Variants in PDZRN4 observed in about 807,000 individuals in gnomAD.
PDZRN4 encodes PDZ domain containing ring finger 4.
In PDZRN4, 70 loss-of-function variants were observed where a neutral mutation model predicts 99.0. The ratio of observed to expected loss-of-function variants is 0.71; its 90% CI spans 0.58 to 0.86. PDZRN4 has a LOEUF of 0.86. PDZRN4 is among the 40% of genes least tolerant of loss of function. The pLI, the probability that PDZRN4 is intolerant of heterozygous loss-of-function variation, is 0.00. For missense variants in PDZRN4, 1,474 were observed against 1,331.2 expected, an observed-to-expected ratio of 1.11 and a Z score of -1.67; for synonymous variants, 551 against 501.6, an observed-to-expected ratio of 1.10 and a Z score of -1.32.
At chr12:41,247,319 G>A (rs1951139505) in intron 3 of PDZRN4, among the ~76,000 whole-genome samples, 1 of 151,932 alleles carries the variant, frequency 6.6e-6, no homozygotes, top group Non-Finnish European at 1.5e-5. Context: ...CATTACCTGA[G>A]GAGCTGCTAG....
At chr12:41,571,006 G>T (rs190262379) in intron 9 of PDZRN4, among the ~76,000 whole-genome samples, 20 of 152,164 alleles carry the variant, frequency 1.3e-4, no homozygotes, top group Admixed American at 1.2e-3. Context: ...TATCTAGAGA[G>T]ACCTTTTTAG....
At chr12:41,216,628 C>A (rs1950922855) in intron 3 of PDZRN4, among the ~76,000 whole-genome samples, 2 of 151,932 alleles carry the variant, frequency 1.3e-5, no homozygotes, top group Admixed American at 6.6e-5. Context: ...AACTTACATC[C>A]TTTTTTGAAT....
intron 3 of PDZRN4, among the ~76,000 whole-genome samples, chr12:41,332,798 G>A (rs1337184965): frequency 6.8e-6 from 1 of 147,728 alleles, no homozygotes; most frequent in Non-Finnish European, 1.5e-5. Context: ...GAAGGAGGGG[G>A]CATAACAAAA....
intron 2 of PDZRN4, among the ~76,000 whole-genome samples, chr12:41,192,420 A>G (rs1950741189): frequency 6.6e-6 from 1 of 152,236 alleles, no homozygotes; most frequent in African/African-American, 2.4e-5. Flanking sequence ...AGAAAAACAA[A>G]AAACAACAGC....
chr12:41,251,928 C>A (rs1299331128), intron 3 of PDZRN4, among the ~76,000 whole-genome samples: 1 of 152,100 alleles, frequency 6.6e-6, no homozygotes, highest in Non-Finnish European at 1.5e-5. Flanking sequence ...CCAGCCTAAG[C>A]AACACACTGA....
chr12:41,310,181 C>T (rs530778285), intron 3 of PDZRN4, among the ~76,000 whole-genome samples: 1 of 152,248 alleles, frequency 6.6e-6, no homozygotes, highest in South Asian at 2.1e-4. Context: ...GATCCACCCG[C>T]CTTGGCCTCC....
chr12:41,230,317 G>T (rs546800089), intron 3 of PDZRN4, among the ~76,000 whole-genome samples: 58 of 152,058 alleles, frequency 3.8e-4, no homozygotes, highest in African/African-American at 1.2e-3. Context: ...CAAATTTTTA[G>T]CCCTGACTGC....
intron 3 of PDZRN4, among the ~76,000 whole-genome samples, chr12:41,404,048 G>C (rs1030973571): frequency 6.6e-6 from 1 of 152,052 alleles, no homozygotes; most frequent in Non-Finnish European, 1.5e-5. Context: ...TAAAACCAAT[G>C]CACATCCTCC....
chr12:41,511,772 C>A (rs1343765611), intron 5 of PDZRN4, among the ~76,000 whole-genome samples: 1 of 152,174 alleles, frequency 6.6e-6, no homozygotes, highest in Non-Finnish European at 1.5e-5. Flanking sequence ...GTGGCTGCAT[C>A]AAACTGCAAA....
chr12:41,378,709 G>A (rs1423018257), intron 3 of PDZRN4, among the ~76,000 whole-genome samples: 1 of 151,994 alleles, frequency 6.6e-6, no homozygotes, highest in African/African-American at 2.4e-5. Flanking sequence ...TTTTAGTAGA[G>A]ATGGGGTTTC....
At chr12:41,506,993 C>T (rs1040095177) in intron 4 of PDZRN4, among the ~76,000 whole-genome samples, 1 of 152,070 alleles carries the variant, frequency 6.6e-6, no homozygotes, top group African/African-American at 2.4e-5. Flanking sequence ...ATATTACTAG[C>T]TGTCAAAAGC....
At chr12:41,189,900 A>T (rs1950725139) in intron 1 of PDZRN4, among the ~76,000 whole-genome samples, 1 of 151,982 alleles carries the variant, frequency 6.6e-6, no homozygotes. Flanking sequence ...TCTTTGTCTA[A>T]GCTGCTGGCC....
At chr12:41,290,264 T>C (rs1951449592) in intron 3 of PDZRN4, among the ~76,000 whole-genome samples, 2 of 152,222 alleles carry the variant, frequency 1.3e-5, no homozygotes. Context: ...AAGCAAAATA[T>C]CAAATATGTT....
intron 3 of PDZRN4, among the ~76,000 whole-genome samples, chr12:41,386,484 A>G (rs952531385): frequency 2.0e-5 from 3 of 152,348 alleles, no homozygotes; most frequent in Admixed American, 2.0e-4. Context: ...TGACACAAAC[A>G]AATTGAAAAA....
chr12:41,296,161 C>T (rs1951492252), intron 3 of PDZRN4, among the ~76,000 whole-genome samples: 1 of 152,158 alleles, frequency 6.6e-6, no homozygotes, highest in Admixed American at 6.5e-5. Flanking sequence ...CCCAGATCAG[C>T]TGCAGACAAG....
At chr12:41,481,468 C>T (rs567890707) in intron 3 of PDZRN4, among the ~76,000 whole-genome samples, 2 of 152,280 alleles carry the variant, frequency 1.3e-5, no homozygotes, top group African/African-American at 4.8e-5. Flanking sequence ...CTGCCCCTTA[C>T]TCCCTCTCCC....
chr12:41,296,907 A>C (rs1043992954), intron 3 of PDZRN4, among the ~76,000 whole-genome samples: 1 of 152,160 alleles, frequency 6.6e-6, no homozygotes, highest in Non-Finnish European at 1.5e-5. Flanking sequence ...GCAGTGAGCC[A>C]TGATCATGCC....
intron 3 of PDZRN4, among the ~76,000 whole-genome samples, chr12:41,274,439 T>G (rs1310525145): frequency 6.6e-6 from 1 of 152,192 alleles, no homozygotes; most frequent in East Asian, 1.9e-4. Flanking sequence ...GTTTCTATGT[T>G]TAGTGAACAC....
At chr12:41,363,400 C>T (rs1014635048) in intron 3 of PDZRN4, among the ~76,000 whole-genome samples, 1 of 151,978 alleles carries the variant, frequency 6.6e-6, no homozygotes, top group African/African-American at 2.4e-5. Flanking sequence ...AGCAAACAGA[C>T]AAAATAAACA....
Sources: gnomAD v4.1 joint callset for allele counts (sites outside exome capture counted in the v4.1 genomes callset) on GRCh38, gnomAD v4.1.1 for gene constraint, MANE v1.5 for transcripts, NCBI Gene and HGNC (gene_info 2026-07-23, HGNC 2026-07-21) for gene names.